Variants in DLX4 observed in about 807,000 individuals in gnomAD.
DLX4 encodes the protein homeobox protein DLX-4.
Under a neutral mutation model 17.1 loss-of-function variants are expected in DLX4, and 13 were observed. The observed-to-expected ratio is 0.76, with a 90% CI of 0.49 to 1.21. The LOEUF is 1.21. Among genes scored for constraint, DLX4 ranks in the 50% most tolerant of loss-of-function variants. The pLI is 0.00. For synonymous variants in DLX4, 129 were observed against 140.3 expected (o/e 0.92, Z 0.57); for missense variants, 297 against 301.4 (o/e 0.99, Z 0.11).
chr17:49,969,826 G>A (rs1905440121), intron 1 of DLX4, 75 bp downstream of exon 1: 2 of 1,378,654 alleles, frequency 1.5e-6, no homozygotes, highest in South Asian at 3.3e-5. Flanking sequence ...TCCCTCGCCT[G>A]GTTGGACGCA....
intron 1 of DLX4, 70 bp downstream of exon 1, chr17:49,969,821 C>T (rs1905439815): frequency 7.2e-7 from 1 of 1,394,120 alleles, no homozygotes; most frequent in Admixed American, 2.6e-5. Flanking sequence ...ACTTCTCCCT[C>T]GCCTGGTTGG....
chr17:49,969,271 C>A lies in DLX4; in HGVS notation c.-198C>A, dbSNP rs796923889. On this transcript the variant is annotated 5_prime_UTR_variant, in exon 1 of 3. Transcript: ENST00000240306. The stretch of plus-strand genomic sequence containing the variant: ...GGGGAGGGGAAAGTCATGGGGGGCA[C>A]CCCCCCGGAACCCCTTTCCCAGGCG... 5.9e-6 allele frequency: 3 copies of A among 508,984 alleles called. No individual in the cohort carries two copies. Among genetic ancestry groups the A allele is most frequent in the East Asian group, 7.5e-5 (2 of 26,730 alleles). The allele number at this position is 508,984 out of a possible 1,614,324, so 31.5% of individuals were successfully genotyped here.
At chr17:49,969,104 C>T (rs1464187192), upstream of DLX4, 6 of 229,722 alleles carry the variant, frequency 2.6e-5, no homozygotes, top group Non-Finnish European at 5.0e-5. Context: ...AGCGGGCTGT[C>T]CCGGGGGGCG....
At position 49,973,124 on chromosome 17, in the gene DLX4, C is replaced by A; in HGVS notation, c.335C>A (p.Ala112Asp). ...GAACCCTCCGAGCGGCGCCCTCAGG[C>A]CCCCGCCAAAAAGCTCCGCAAGCCG... ...SPEPSERRPQ[A>D]PAKKLRKPRT... The change falls in exon 2 of 3, where the codon GCC (alanine) becomes GAC (aspartate). Residue 112 changes from alanine (A) to aspartate (D), a missense_variant. By Grantham distance (126) the Ala-to-Asp change is moderately radical. Coordinates refer to ENST00000240306, the MANE Select transcript of DLX4 (RefSeq NM_138281.3). 6.2e-7 allele frequency: 1 copy of A among 1,614,056 alleles called. No individual in the cohort carries two copies. The highest frequency in any genetic ancestry group is 1.1e-5 in the South Asian group (1 of 91,084).
At chr17:49,969,802 C>T in intron 1 of DLX4, 51 bp downstream of exon 1, 1 of 1,469,582 alleles carries the variant, frequency 6.8e-7, no homozygotes, top group Non-Finnish European at 9.0e-7. Flanking sequence ...GGCTCCTGTG[C>T]GCCCCTAAAC....
chr17:49,968,752 G>T (rs550242309), upstream of DLX4, among the ~76,000 whole-genome samples: 2 of 152,216 alleles, frequency 1.3e-5, no homozygotes, highest in Non-Finnish European at 2.9e-5. Flanking sequence ...CAGCAGCGGC[G>T]CATTCCGACG....
At chr17:49,971,951 G>T (rs931840445) in intron 1 of DLX4, 3 of 152,246 alleles carry the variant, frequency 2.0e-5, no homozygotes, top group Admixed American at 2.0e-4. Context: ...AAGGTGGGGG[G>T]ACGCGGGCGG....
chr17:49,973,748 G>A lies in DLX4; in HGVS notation c.528G>A (p.Leu176=). ...AACGCTCCAAGTATAAGAAGCTCCT[G>A]AAGCAGAATTCTGGGGGGCAGGAAG... ...QNKRSKYKKL[L]KQNSGGQEGD... Residue 176 remains leucine (L), a synonymous_variant, in exon 3 of 3, where the codon CTG becomes CTA. Transcript: ENST00000240306. 1 of 1,535,294 alleles carries A rather than the reference G, an allele frequency of 6.5e-7. No homozygotes were observed. The highest frequency in any genetic ancestry group is 8.8e-7 in the Non-Finnish European group (1 of 1,141,306).
At chr17:49,971,682 G>A (rs934228243) in intron 1 of DLX4, among the ~76,000 whole-genome samples, 1 of 152,108 alleles carries the variant, frequency 6.6e-6, no homozygotes, top group Non-Finnish European at 1.5e-5. Context: ...AGAGAGGCGC[G>A]GGTGGGCTCT....
Position 49,972,739 on chromosome 17 carries a change from C to T in DLX4, c.284-334C>T, listed in dbSNP as rs1598147815. On this transcript the variant is annotated intron_variant, in intron 1 of 2. Coordinates refer to ENST00000240306, the MANE Select transcript of DLX4 (RefSeq NM_138281.3). This position sits in a 1 kb window ranked among gnomAD's most constrained non-coding sequence, Gnocchi z 5.4. ...CCGCCCTACCCCAAGCTGGCGCCAC[C>T]GCCCGTGGCTGAACTCCGACCTCCC... 2.2e-6 allele frequency: 3 copies of T among 1,377,830 alleles called. No individual in the cohort carries two copies. The highest frequency in any genetic ancestry group is 2.8e-5 in the East Asian group (1 of 36,020). The allele number at this position is 1,377,830 out of a possible 1,614,324, so 85.4% of individuals were successfully genotyped here.
Position 49,973,173 on chromosome 17 carries a change from G to C in DLX4, c.384G>C (p.Gln128His), listed in dbSNP as rs764473165. The part of the protein sequence containing the change: ...RKPRTIYSSL[Q>H]LQHLNQRFQH... Reference sequence around the variant, plus strand: ...CGAGGACCATCTACTCCAGCCTGCAGCTGCAGCACCTAAACCAGCGTTTCC... The same window carrying C: ...CGAGGACCATCTACTCCAGCCTGCACCTGCAGCACCTAAACCAGCGTTTCC... The change falls in exon 2 of 3, where the codon CAG becomes CAC. Residue 128 changes from glutamine (Q) to histidine (H), a missense_variant. Gln to His is a conservative substitution (Grantham distance 24, BLOSUM62 0). Coordinates refer to ENST00000240306, the MANE Select transcript of DLX4 (RefSeq NM_138281.3). 6.2e-7 allele frequency: 1 copy of C among 1,614,224 alleles called. No homozygotes were observed. The highest frequency in any genetic ancestry group is 8.5e-7 in the Non-Finnish European group (1 of 1,180,044).
chr17:49,970,319 T>G (rs553008157), intron 1 of DLX4, among the ~76,000 whole-genome samples: 1 of 152,208 alleles, frequency 6.6e-6, no homozygotes, highest in African/African-American at 2.4e-5. Flanking sequence ...TGACCTTGAC[T>G]GGAAGCTGGC....
At position 49,974,292 on chromosome 17, in the gene DLX4, T is replaced by G; in HGVS notation, c.*349T>G. On this transcript the variant is annotated 3_prime_UTR_variant, in exon 3 of 3. Transcript: ENST00000240306. ...CCCACTCCTTCTTCCCTCTCTCCCT[T>G]TCTCCTCTCCCTGCTTTCTTGAAAA... 5.0e-6 allele frequency: 1 copy of G among 198,466 alleles called. No individual in the cohort carries two copies. 12.3% of individuals were successfully genotyped at this position (198,466 alleles called of 1,614,324 possible). A position where few individuals can be genotyped will look rare whatever the true frequency, so the allele number is the denominator to read the frequency against.
At position 49,974,909 on chromosome 17, in the gene DLX4, G is replaced by A. The variant is rs373728187; in HGVS notation, c.*966G>A. The A allele has an allele frequency of 6.6e-6, 1 of 152,224 alleles. No individual in the cohort carries two copies. Among genetic ancestry groups the A allele is most frequent in the African/African-American group, 2.4e-5 (1 of 41,446 alleles). 9.4% of individuals were successfully genotyped at this position (152,224 alleles called of 1,614,324 possible). ...GCAGATTTAGAACGAATTGGAGCTT[G>A]AGCTTCACACCACCAGCTTCCAGAG... On this transcript the variant is annotated 3_prime_UTR_variant, in exon 3 of 3. Transcript: ENST00000240306.
rs1185991627 is a variant in DLX4, at chr17:49,974,910, A to C, written c.*967A>C. ...CAGATTTAGAACGAATTGGAGCTTG[A>C]GCTTCACACCACCAGCTTCCAGAGA... On this transcript the variant is annotated 3_prime_UTR_variant, in exon 3 of 3. Coordinates refer to ENST00000240306, the MANE Select transcript of DLX4 (RefSeq NM_138281.3). 2.0e-5 allele frequency: 3 copies of C among 152,194 alleles called. No individual in the cohort carries two copies. Among genetic ancestry groups the C allele is most frequent in the Admixed American group, 2.0e-4 (3 of 15,286 alleles). 9.4% of individuals were successfully genotyped at this position (152,194 alleles called of 1,614,324 possible). A position where few individuals can be genotyped will look rare whatever the true frequency, so the allele number is the denominator to read the frequency against.
chr17:49,973,141 C>T lies in DLX4; in HGVS notation c.352C>T (p.Arg118Cys). 2 of 1,614,058 alleles carry T rather than the reference C, an allele frequency of 1.2e-6. No homozygotes were observed. The highest frequency in any genetic ancestry group is 1.7e-6 in the Non-Finnish European group (2 of 1,179,984). Residue 118 changes from arginine to cysteine, a missense_variant, in exon 2 of 3, where the codon CGC (arginine) becomes TGC (cysteine). Arg to Cys is a radical substitution (Grantham distance 180). Transcript: ENST00000240306. ...CCCTCAGGCCCCCGCCAAAAAGCTC[C>T]GCAAGCCGAGGACCATCTACTCCAG... ...RRPQAPAKKL[R>C]KPRTIYSSLQ...
Position 49,969,278 on chromosome 17 carries a change from G to C in DLX4, c.-191G>C, listed in dbSNP as rs1441277617. On this transcript the variant is annotated 5_prime_UTR_variant, in exon 1 of 3. Transcript: ENST00000240306. ...GGAAAGTCATGGGGGGCACCCCCCCGGAACCCCTTTCCCAGGCGCGCGTTC... is the reference window on the plus strand; with the variant it reads ...GGAAAGTCATGGGGGGCACCCCCCCCGAACCCCTTTCCCAGGCGCGCGTTC... 2 of 583,842 alleles carry C rather than the reference G, an allele frequency of 3.4e-6. No individual in the cohort carries two copies. The highest frequency in any genetic ancestry group is 5.4e-6 in the Non-Finnish European group (2 of 371,750). The allele number at this position is 583,842 out of a possible 1,614,324, so 36.2% of individuals were successfully genotyped here.
rs1058562 is a variant in DLX4, at chr17:49,974,300, T to C, written c.*357T>C. 0.21 allele frequency: 39,504 copies of C among 187,178 alleles called. 4,338 individuals carry two copies. The highest frequency in any genetic ancestry group is 0.3 in the South Asian group (1,538 of 5,142). The allele number at this position is 187,178 out of a possible 1,614,324, so 11.6% of individuals were successfully genotyped here. A position where few individuals can be genotyped will look rare whatever the true frequency, so the allele number is the denominator to read the frequency against. On this transcript the variant is annotated 3_prime_UTR_variant, in exon 3 of 3. Coordinates refer to ENST00000240306, the MANE Select transcript of DLX4 (RefSeq NM_138281.3). ...TTCTTCCCTCTCTCCCTTTCTCCTC[T>C]CCCTGCTTTCTTGAAAAGGACTGAA...
chr17:49,974,025 G>C lies in DLX4; in HGVS notation c.*82G>C. On this transcript the variant is annotated 3_prime_UTR_variant, in exon 3 of 3. Coordinates refer to ENST00000240306, the MANE Select transcript of DLX4 (RefSeq NM_138281.3). The stretch of plus-strand genomic sequence containing the variant: ...AGTCCACCTGCACCCCTTCTGGGCT[G>C]GGAGGAAACCAGCTCCAGATGGGTT... 6.9e-7 allele frequency: 1 copy of C among 1,456,070 alleles called. No homozygotes were observed. Among genetic ancestry groups the C allele is most frequent in the Non-Finnish European group, 9.0e-7 (1 of 1,106,764 alleles). 90.2% of individuals were successfully genotyped at this position (1,456,070 alleles called of 1,614,324 possible).
Sources: gnomAD v4.1 joint callset for allele counts (sites outside exome capture counted in the v4.1 genomes callset) on GRCh38, gnomAD v4.1.1 for gene constraint, Gnocchi (gnomAD v3.1) non-coding constraint, MANE v1.5 for transcripts, NCBI Gene and HGNC (gene_info 2026-07-23, HGNC 2026-07-21) for gene names.